The following DHRSX variants were observed in gnomAD, a reference collection of about 807,000 sequenced individuals.
The protein encoded by DHRSX is dehydrogenase/reductase X-linked, also known as polyprenol dehydrogenase.
In DHRSX, 31 loss-of-function variants were observed where a neutral mutation model predicts 34.0. That is an observed-to-expected ratio of 0.91 (90% CI 0.69 to 1.23). DHRSX has a LOEUF of 1.23. Ranked by LOEUF, DHRSX falls within the 50% of genes most tolerant of loss-of-function variation. DHRSX has a pLI of 0.00. For synonymous variants in DHRSX, 201 were observed against 183.8 expected (o/e 1.09, Z -0.76); for missense variants, 414 against 428.1 (o/e 0.97, Z 0.29).
At chrX:2,490,479 T>C in intron 1 of DHRSX, 1 of 1,613,966 alleles carries the variant, frequency 6.2e-7, no homozygotes, top group Non-Finnish European at 8.5e-7. Context: ...TCCGTGTTGC[T>C]CTTGACGAAC....
intron 3 of DHRSX, among the ~76,000 whole-genome samples, chrX:2,323,488 C>T (rs1338163032): frequency 6.6e-6 from 1 of 152,194 alleles, no homozygotes; most frequent in South Asian, 2.1e-4. Flanking sequence ...TTTGGCCAGA[C>T]ACGGTGGTAC....
chrX:2,437,220 C>T (rs2044002817), intron 1 of DHRSX, among the ~76,000 whole-genome samples: 2 of 152,002 alleles, frequency 1.3e-5, no homozygotes, highest in Non-Finnish European at 1.5e-5. Context: ...AGGATGGTCT[C>T]GATCTCCTGA....
chrX:2,292,268 C>A (rs1257986948), intron 3 of DHRSX, among the ~76,000 whole-genome samples: 1 of 152,190 alleles, frequency 6.6e-6, no homozygotes, highest in Non-Finnish European at 1.5e-5. Context: ...CAAAAGCCAG[C>A]AAGATACTCA....
chrX:2,409,888 C>T (rs1367965264), intron 2 of DHRSX, among the ~76,000 whole-genome samples: 2 of 151,834 alleles, frequency 1.3e-5, no homozygotes, highest in Admixed American at 6.6e-5. Flanking sequence ...TGCCACTATG[C>T]CCAGCTAATT....
intron 3 of DHRSX, among the ~76,000 whole-genome samples, chrX:2,328,250 G>T (rs1474434463): frequency 3.0e-4 from 46 of 151,476 alleles, no homozygotes; most frequent in Non-Finnish European, 1.6e-4. Flanking sequence ...GAGAATAAAC[G>T]TCTGTTGTTT....
chrX:2,425,619 C>T (rs1319069885), intron 1 of DHRSX, among the ~76,000 whole-genome samples: 1 of 152,160 alleles, frequency 6.6e-6, no homozygotes, highest in Non-Finnish European at 1.5e-5. Flanking sequence ...TTTACAGAGG[C>T]GAGCAAGAAT....
At chrX:2,223,273 A>G (rs1379330294) in intron 6 of DHRSX, among the ~76,000 whole-genome samples, 2 of 152,118 alleles carry the variant, frequency 1.3e-5, no homozygotes, top group Non-Finnish European at 2.9e-5. Context: ...TGGTTTTATA[A>G]AAGGCCGCTC....
chrX:2,417,974 A>G (rs969779466), intron 2 of DHRSX, among the ~76,000 whole-genome samples: 1 of 151,716 alleles, frequency 6.6e-6, no homozygotes, highest in Non-Finnish European at 1.5e-5. Context: ...ATACAAATAG[A>G]CCTCATCATG....
chrX:2,393,996 T>C (rs7391723), intron 3 of DHRSX, among the ~76,000 whole-genome samples: 108,359 of 152,104 alleles, frequency 0.71, 39,165 homozygotes, highest in Admixed American at 0.75. Context: ...CATGGTAGGA[T>C]CCCTGGCAAT....
intron 3 of DHRSX, among the ~76,000 whole-genome samples, chrX:2,379,249 G>C (rs755400269): frequency 5.5e-4 from 84 of 152,222 alleles, no homozygotes; most frequent in African/African-American, 1.9e-3. Context: ...AGAGGGAGAG[G>C]AATACCCTAC....
rs1436546024 is a variant in DHRSX, at chrX:2,266,766, C to T, written c.570G>A (p.Glu190=). 1.2e-6 allele frequency: 2 copies of T among 1,613,864 alleles called. No homozygotes were observed. Among genetic ancestry groups the T allele is most frequent in the Admixed American group, 1.7e-5 (1 of 59,984 alleles). Residue 190 remains glutamate (E), a synonymous_variant, in exon 5 of 7, where the codon GAG becomes GAA. Coordinates refer to ENST00000334651, the MANE Select transcript of DHRSX (RefSeq NM_145177.3). ...TGCTCTGAAGGTCATCCATGTTCAG[C>T]TCAGCGACGTAATGGGTGGCAGAGG... ...TVSSATHYVA[E]LNMDDLQSSA...
At chrX:2,284,071 C>T (rs935548446) in intron 4 of DHRSX, among the ~76,000 whole-genome samples, 9 of 151,988 alleles carry the variant, frequency 5.9e-5, no homozygotes, top group Non-Finnish European at 1.3e-4. Flanking sequence ...TTTGTTCATT[C>T]ATTTGAATTC....
At chrX:2,432,306 T>C (rs1486781018) in intron 1 of DHRSX, among the ~76,000 whole-genome samples, 1 of 152,142 alleles carries the variant, frequency 6.6e-6, no homozygotes, top group African/African-American at 2.4e-5. Context: ...ATATGCAAAT[T>C]TGATGTGATC....
At chrX:2,486,349 A>G (rs2044928023) in intron 1 of DHRSX, 1 of 152,138 alleles carries the variant, frequency 6.6e-6, no homozygotes, top group Non-Finnish European at 1.5e-5. Flanking sequence ...TAATAATGAT[A>G]AACCTCCCTC....
chrX:2,494,331 CATT>C (rs911313625), intron 1 of DHRSX, among the ~76,000 whole-genome samples: 14 of 151,354 alleles, frequency 9.2e-5, no homozygotes, highest in East Asian at 1.9e-4. Flanking sequence ...TTCATTCTAT[CATT>C]ATTATTATTA....
At chrX:2,463,894 A>C (rs1339522236) in intron 1 of DHRSX, among the ~76,000 whole-genome samples, 1 of 152,202 alleles carries the variant, frequency 6.6e-6, no homozygotes, top group African/African-American at 2.4e-5. Flanking sequence ...TACGAACTGA[A>C]GACGTTTTCT....
chrX:2,320,894 A>G (rs889582084), intron 3 of DHRSX, among the ~76,000 whole-genome samples: 1 of 151,412 alleles, frequency 6.6e-6, no homozygotes, highest in East Asian at 1.9e-4. Context: ...GTGTCGGTCC[A>G]CGTACAGCCT....
intron 1 of DHRSX, among the ~76,000 whole-genome samples, chrX:2,448,544 A>G (rs1354253851): frequency 6.7e-6 from 1 of 149,908 alleles, no homozygotes; most frequent in Admixed American, 6.7e-5. Flanking sequence ...TTAGCTTGTT[A>G]ATATGTTAAT....
intron 1 of DHRSX, among the ~76,000 whole-genome samples, chrX:2,477,254 G>C (rs1483274114): frequency 3.9e-5 from 6 of 152,148 alleles, no homozygotes; most frequent in East Asian, 1.9e-4. Context: ...CCACGACTTA[G>C]TGTCCACTGC....
Sources: allele counts gnomAD v4.1 joint callset (sites outside exome capture counted in the v4.1 genomes callset), GRCh38; gene constraint gnomAD v4.1.1; transcripts MANE v1.5; gene names NCBI Gene and HGNC (gene_info 2026-07-23, HGNC 2026-07-21).